The following GRID2 variants were observed in gnomAD, a reference collection of about 807,000 sequenced individuals.
GRID2 encodes glutamate receptor ionotropic, delta-2.
Under a neutral mutation model 114.8 loss-of-function variants are expected in GRID2, and 33 were observed. That is an observed-to-expected ratio of 0.29 (90% CI 0.22 to 0.38). GRID2 has a LOEUF of 0.38. Among genes scored for constraint, GRID2 ranks in the 10% least tolerant of loss-of-function variants. The pLI, the probability that GRID2 is intolerant of heterozygous loss-of-function variation, is 1.00. For synonymous variants in GRID2, 505 were observed against 449.9 expected, an observed-to-expected ratio of 1.12 and a Z score of -1.55; for missense variants, 1,184 against 1,257.7, an observed-to-expected ratio of 0.94 and a Z score of 0.89.
chr4:93,189,337 G>A lies in GRID2; in HGVS notation c.736-18067G>A, dbSNP rs576224971. Reference sequence around the variant, plus strand: ...GACTCCCTTTCTACTTTAAATTGGTGCCTTCTTACTGCATCCTCACATGGT... The same window carrying A: ...GACTCCCTTTCTACTTTAAATTGGTACCTTCTTACTGCATCCTCACATGGT... On this transcript the variant is annotated intron_variant, in intron 4 of 15. Coordinates refer to ENST00000282020, the MANE Select transcript of GRID2 (RefSeq NM_001510.4). Among the ~76,000 whole-genome samples, 92 of 152,236 alleles carry A rather than the reference G, an allele frequency of 6.0e-4. 1 individual carries two copies. The South Asian group carries it at 0.018, about 30-fold the overall frequency.
At chr4:92,685,006 A>G (rs566999028) in intron 2 of GRID2, among the ~76,000 whole-genome samples, 6 of 152,200 alleles carry the variant, frequency 3.9e-5, no homozygotes, top group African/African-American at 1.4e-4. Flanking sequence ...GTTAAACCCA[A>G]TTATATATCT....
intron 2 of GRID2, among the ~76,000 whole-genome samples, chr4:92,803,958 C>A (rs1024496087): frequency 1.3e-5 from 2 of 151,914 alleles, no homozygotes; most frequent in African/African-American, 4.8e-5. Flanking sequence ...TTCTGGTAGC[C>A]CCTAGCATTT....
intron 14 of GRID2, among the ~76,000 whole-genome samples, chr4:93,729,093 T>A (rs1455056618): frequency 6.6e-6 from 1 of 152,154 alleles, no homozygotes; most frequent in Non-Finnish European, 1.5e-5. Context: ...AGATGAGGTT[T>A]AACTATGTTG....
rs563283332 is a variant in GRID2, at chr4:93,146,440, G to A, written c.735+35487G>A. On this transcript the variant is annotated intron_variant, in intron 4 of 15. Transcript: ENST00000282020. ...CAGTCTTTGAAAAATATCATGCATG[G>A]TACTTGGAAATTCTTTGAGGAATGA... 2.0e-5 allele frequency among the ~76,000 whole-genome samples: 3 copies of A among 152,196 alleles called. No homozygotes were observed. In the East Asian group the frequency reaches 5.8e-4, roughly 29 times the overall value.
chr4:93,375,820 A>C (rs1434171310), intron 8 of GRID2, among the ~76,000 whole-genome samples: 2 of 152,216 alleles, frequency 1.3e-5, no homozygotes, highest in Non-Finnish European at 2.9e-5. Flanking sequence ...GTAAAAGTAA[A>C]ACATGAACAT....
At chr4:93,531,984 A>G (rs1731493278) in intron 13 of GRID2, among the ~76,000 whole-genome samples, 1 of 152,170 alleles carries the variant, frequency 6.6e-6, no homozygotes, top group Non-Finnish European at 1.5e-5. Context: ...ATAATATTTG[A>G]CTTAAACTTT....
At chr4:92,780,264 G>T (rs760580502) in intron 2 of GRID2, among the ~76,000 whole-genome samples, 3 of 152,074 alleles carry the variant, frequency 2.0e-5, no homozygotes, top group Non-Finnish European at 4.4e-5. Flanking sequence ...TTTTGTTGTT[G>T]TTGAGTTGTT....
chr4:93,027,325 T>C (rs1723971975), intron 2 of GRID2, among the ~76,000 whole-genome samples: 1 of 152,096 alleles, frequency 6.6e-6, no homozygotes, highest in South Asian at 2.1e-4. Context: ...ACTTTATTAC[T>C]AACTTCAACA....
chr4:92,774,840 C>T (rs1039277804), intron 2 of GRID2, among the ~76,000 whole-genome samples: 3 of 152,098 alleles, frequency 2.0e-5, no homozygotes, highest in Non-Finnish European at 2.9e-5. Flanking sequence ...AAGCAATCCT[C>T]TCACCATGGC....
chr4:93,666,247 A>C (rs1723933761), intron 14 of GRID2, among the ~76,000 whole-genome samples: 1 of 152,022 alleles, frequency 6.6e-6, no homozygotes, highest in Admixed American at 6.6e-5. Flanking sequence ...TAATTCAACA[A>C]ATTTGAGCAC....
intron 10 of GRID2, among the ~76,000 whole-genome samples, chr4:93,424,004 C>A (rs915605870): frequency 6.6e-6 from 1 of 151,876 alleles, no homozygotes; most frequent in African/African-American, 2.4e-5. Flanking sequence ...CGTGGTTAGT[C>A]TAAAGGTCAT....
chr4:92,726,775 C>A (rs1029440694), intron 2 of GRID2, among the ~76,000 whole-genome samples: 2 of 152,032 alleles, frequency 1.3e-5, no homozygotes, highest in Non-Finnish European at 2.9e-5. Context: ...AAAATCAATT[C>A]TATGTACCAG....
chr4:93,594,644 TC>T (rs1338816668), intron 13 of GRID2, among the ~76,000 whole-genome samples: 1 of 152,016 alleles, frequency 6.6e-6, no homozygotes, highest in Non-Finnish European at 1.5e-5. Context: ...CGGGCGCCCC[TC>T]CCCCAGCCTC....
intron 8 of GRID2, among the ~76,000 whole-genome samples, chr4:93,384,523 A>G (rs1035662013): frequency 6.6e-6 from 1 of 152,170 alleles, no homozygotes; most frequent in African/African-American, 2.4e-5. Context: ...TTGTCATTAA[A>G]AATTTTTTCC....
In GRID2 at chr4:93,511,736, A is replaced by G. The variant is rs573979144; in HGVS notation, c.1998-3480A>G. ...ATACATACTAATACTATGTTCACAGATAACACTTCTCTGGAGTACTCTAGA... is the reference window on the plus strand; with the variant it reads ...ATACATACTAATACTATGTTCACAGGTAACACTTCTCTGGAGTACTCTAGA... On this transcript the variant is annotated intron_variant, in intron 12 of 15. Transcript: ENST00000282020. 2.0e-5 allele frequency among the ~76,000 whole-genome samples: 3 copies of G among 151,960 alleles called. No homozygotes were observed. The East Asian group carries it at 5.8e-4, about 29-fold the overall frequency.
chr4:92,730,470 T>C (rs1388608278), intron 2 of GRID2, among the ~76,000 whole-genome samples: 1 of 152,006 alleles, frequency 6.6e-6, no homozygotes, highest in East Asian at 1.9e-4. Context: ...AATTAATGAA[T>C]TTTAACAGAG....
chr4:92,427,020 A>G (rs545611949), intron 1 of GRID2, among the ~76,000 whole-genome samples: 1 of 152,114 alleles, frequency 6.6e-6, no homozygotes, highest in Non-Finnish European at 1.5e-5. Flanking sequence ...TTTCCCTTCA[A>G]TCTCACCTAC....
At chr4:93,669,491 A>G (rs568109179) in intron 14 of GRID2, among the ~76,000 whole-genome samples, 2 of 131,832 alleles carry the variant, frequency 1.5e-5, no homozygotes, top group Admixed American at 7.6e-5. Flanking sequence ...TCCTACATGT[A>G]CAGAAAAAAA....
chr4:93,222,037 G>C (rs150810965), intron 6 of GRID2, among the ~76,000 whole-genome samples: 2 of 152,204 alleles, frequency 1.3e-5, no homozygotes, highest in Admixed American at 1.3e-4. Flanking sequence ...CTTTAAAATT[G>C]ACTTTCTTTT....
Sources: gnomAD v4.1 joint callset for allele counts (sites outside exome capture counted in the v4.1 genomes callset) on GRCh38, gnomAD v4.1.1 for gene constraint, MANE v1.5 for transcripts, NCBI Gene and HGNC (gene_info 2026-07-23, HGNC 2026-07-21) for gene names.